POLD1: variants seen among roughly 807,000 people sequenced by gnomAD.
POLD1 encodes the protein DNA polymerase delta 1, catalytic subunit.
Under a neutral mutation model 129.7 loss-of-function variants are expected in POLD1, and 79 were observed. The ratio of observed to expected loss-of-function variants is 0.61; its 90% CI spans 0.51 to 0.73. The LOEUF (loss-of-function observed/expected upper bound fraction) is 0.73, where lower values mean the gene tolerates loss of function less well. POLD1 is among the 30% of genes least tolerant of loss of function. The probability of loss-of-function intolerance (pLI) is 0.00; values close to 1 mark genes in which losing one functional copy is unlikely to be tolerated. For synonymous variants in POLD1, 714 were observed against 683.3 expected (o/e 1.04, Z -0.70); for missense variants, 1,338 against 1,595.8 (o/e 0.84, Z 2.75).
At position 50,415,793 on chromosome 19, in the gene POLD1, C is replaced by T. The variant is rs1057522848; in HGVS notation, c.2787C>T (p.Ala929=). ...GDRVPYVIIS[A]AKGVAAYMKS... is the part of the protein sequence containing the mutation. ...GCGTCCCCTACGTGATCATCAGTGCCGCCAAGGGTGTGGCCGCCTACATGA... is the reference window on the plus strand; with the variant it reads ...GCGTCCCCTACGTGATCATCAGTGCTGCCAAGGGTGTGGCCGCCTACATGA... Residue 929 remains alanine, a synonymous_variant, in exon 22 of 27, where the codon GCC becomes GCT. Transcript: ENST00000440232. 28 of 1,562,654 alleles carry T rather than the reference C, an allele frequency of 1.8e-5. No homozygotes were observed. Among genetic ancestry groups the T allele is most frequent in the South Asian group, 9.5e-5 (8 of 84,600 alleles).
At chr19:50,407,467 G>T (rs896964215) in intron 14 of POLD1, 52 bp downstream of exon 14, 1 of 1,260,466 alleles carries the variant, frequency 7.9e-7, no homozygotes, top group Admixed American at 2.3e-5. Context: ...GGGAGGCTGA[G>T]GTGGGAGGAT....
Position 50,401,807 on chromosome 19 carries a change from C to T in POLD1, c.346C>T (p.Pro116Ser), listed in dbSNP as rs2038643822. Reference sequence around the variant, plus strand: ...AGCGCAGCCTGTGCCTGGGGGGCCCCCACCATCCCGCGGCTCCGTGCCTGT... The same window carrying T: ...AGCGCAGCCTGTGCCTGGGGGGCCCTCACCATCCCGCGGCTCCGTGCCTGT... ...GPAQPVPGGPPPSRGSVPVLR... is the reference protein window; with the variant it reads ...GPAQPVPGGPSPSRGSVPVLR... Residue 116 changes from proline (P) to serine (S), a missense_variant, in exon 4 of 27, where the codon CCA (proline) becomes TCA (serine). Pro to Ser is a moderately conservative substitution (Grantham distance 74, BLOSUM62 -1). Around this residue, in one of 3 missense-constraint regions of POLD1, gnomAD observed 332 missense variants for 315.7 expected, o/e 1.05. Transcript: ENST00000440232. 5 of 1,613,300 alleles carry T rather than the reference C, an allele frequency of 3.1e-6. No homozygotes were observed. The highest frequency in any genetic ancestry group is 4.2e-6 in the Non-Finnish European group (5 of 1,179,866).
At chr19:50,388,564 A>AT (rs2038046394) in intron 1 of POLD1, among the ~76,000 whole-genome samples, 1 of 152,176 alleles carries the variant, frequency 6.6e-6, no homozygotes, top group African/African-American at 2.4e-5. Flanking sequence ...CACCTTGTAA[A>AT]TTTGTTACTA....
chr19:50,417,671 T>TCCCCC (rs3840923), intron 26 of POLD1, among the ~76,000 whole-genome samples, 171 bp from the exon 27 acceptor site: 43 of 110,504 alleles, frequency 3.9e-4, no homozygotes, highest in African/African-American at 1.5e-3. Flanking sequence ...TGTTATCGGC[T>TCCCCC]CCCCCCCCCC....
At chr19:50,413,609 C>T in intron 18 of POLD1, 88 bp downstream of exon 18, 2 of 1,528,502 alleles carry the variant, frequency 1.3e-6, no homozygotes, top group Non-Finnish European at 1.8e-6. Flanking sequence ...CCCCGTGCCT[C>T]CTGGTCACAC....
chr19:50,394,808 T>G (rs573894658), intron 1 of POLD1, among the ~76,000 whole-genome samples: 2 of 152,130 alleles, frequency 1.3e-5, no homozygotes, highest in Non-Finnish European at 2.9e-5. Flanking sequence ...TGTCTCAGCC[T>G]GGACCCTGGG....
intron 1 of POLD1, 95 bp from the exon 2 acceptor site, chr19:50,398,756 G>T (rs2038463353): frequency 6.6e-7 from 1 of 1,523,100 alleles, no homozygotes; most frequent in Admixed American, 2.3e-5. Flanking sequence ...AGTAGGAAAA[G>T]GCTCGTGGTC....
intron 19 of POLD1, among the ~76,000 whole-genome samples, chr19:50,414,416 C>T (rs537662873): frequency 1.2e-3 from 185 of 152,366 alleles, no homozygotes; most frequent in African/African-American, 3.9e-3. Context: ...ACTGTTTCCC[C>T]GTGGCTTAAC....
intron 25 of POLD1, 24 bp downstream of exon 25, chr19:50,417,121 G>A (rs1282937587): frequency 2.5e-6 from 4 of 1,568,948 alleles, no homozygotes; most frequent in Non-Finnish European, 3.5e-6. Flanking sequence ...GAGGTGAGGA[G>A]GGGCCAGGTG....
chr19:50,393,120 G>A (rs995736674), intron 1 of POLD1, among the ~76,000 whole-genome samples: 2 of 152,136 alleles, frequency 1.3e-5, no homozygotes, highest in African/African-American at 4.8e-5. Flanking sequence ...CCCTAGATGT[G>A]GAATTGAGCC....
chr19:50,408,939 ATCTGGGC>A (rs1568630539), intron 15 of POLD1, 38 bp downstream of exon 15: 1 of 1,572,786 alleles, frequency 6.4e-7, no homozygotes, highest in Non-Finnish European at 8.7e-7. Flanking sequence ...CCCGAGGCCC[ATCTGGGC>A]CTTCCCTTGG....
At chr19:50,386,435 G>A (rs1278944048) in intron 1 of POLD1, among the ~76,000 whole-genome samples, 1 of 152,204 alleles carries the variant, frequency 6.6e-6, no homozygotes. Flanking sequence ...ACCACACCCG[G>A]CCTAAACTCA....
At chr19:50,413,911 G>C (rs781461482) in intron 19 of POLD1, 32 bp downstream of exon 19, 1 of 1,557,818 alleles carries the variant, frequency 6.4e-7, no homozygotes, top group Admixed American at 1.9e-5. Flanking sequence ...TCTGCATTTA[G>C]GTGCCCTCAT....
rs199871683 is a variant in POLD1 at position 50,417,963 on chromosome 19, A to G, written c.*16A>G. The G allele has an allele frequency of 7.6e-6, 8 of 1,050,924 alleles. No individual in the cohort carries two copies. The highest frequency in any genetic ancestry group is 3.1e-5 in the African/African-American group (2 of 63,766). The allele number at this position is 1,050,924 out of a possible 1,614,324, so 65.1% of individuals were successfully genotyped here. Reference sequence around the variant, plus strand: ...GGCCTGGTGACCTTGCAAGCATCCCATGGGGCGGGGGCGGGACCAGGGAGA... The same window carrying G: ...GGCCTGGTGACCTTGCAAGCATCCCGTGGGGCGGGGGCGGGACCAGGGAGA... On this transcript the variant is annotated 3_prime_UTR_variant, in exon 27 of 27. Coordinates refer to ENST00000440232, the MANE Select transcript of POLD1 (RefSeq NM_002691.4).
rs1568643334 is a variant in POLD1, at chr19:50,417,830, C to CCCTGCT, written c.3219-10_3219-9insTGCTCC. The CCCTGCT allele has an allele frequency of 3.8e-6, 6 of 1,566,038 alleles. No homozygotes were observed. In the South Asian group the frequency reaches 6.9e-5, roughly 18 times the overall value. On this transcript the variant is annotated splice_polypyrimidine_tract_variant and intron_variant, in intron 26 of 26. Coordinates refer to ENST00000440232, the MANE Select transcript of POLD1 (RefSeq NM_002691.4). ...TGGCTGGTCCTGACCCTGCCCCTGC[C>CCCTGCT]CCCACCCGCAGCCGGGACTGCCCCA...
At chr19:50,394,293 C>G (rs1168617981) in intron 1 of POLD1, among the ~76,000 whole-genome samples, 2 of 152,178 alleles carry the variant, frequency 1.3e-5, no homozygotes, top group Non-Finnish European at 1.5e-5. Flanking sequence ...GAAATGTAGC[C>G]TTTGGCTGGG....
Position 50,415,477 on chromosome 19 carries a change from C to G in POLD1, c.2604C>G (p.Ile868Met), listed in dbSNP as rs1060504365. 3.1e-6 allele frequency: 5 copies of G among 1,613,220 alleles called. No individual in the cohort carries two copies. The highest frequency in any genetic ancestry group is 4.2e-6 in the Non-Finnish European group (5 of 1,179,918). The change falls in exon 21 of 27, where the codon ATC becomes ATG. Residue 868 changes from isoleucine to methionine, a missense_variant. By Grantham distance (10) the Ile-to-Met change is conservative (BLOSUM62 1). Transcript: ENST00000440232. Reference sequence around the variant, plus strand: ...CGGTGGCTCACGCACAGGACGTCATCTCGGACCTGCTGTGCAACCGCATCG... The same window carrying G: ...CGGTGGCTCACGCACAGGACGTCATGTCGGACCTGCTGTGCAACCGCATCG... ...EGAVAHAQDV[I>M]SDLLCNRIDI...
chr19:50,411,258 C>T (rs994344809), intron 17 of POLD1, among the ~76,000 whole-genome samples: 7 of 152,206 alleles, frequency 4.6e-5, no homozygotes, highest in African/African-American at 1.7e-4. Context: ...AAGTGAATCG[C>T]TCACTGCATG....
rs1278597997 is a variant in POLD1 at position 50,403,487 on chromosome 19, C to T, written c.1138-6C>T. ...CCAGGGTGACCCAATGTGCTCCCAC[C>T]CCCAGGCCTGGTCCACCTTCATCCG... On this transcript the variant is annotated splice_region_variant and splice_polypyrimidine_tract_variant and intron_variant, in intron 9 of 26. Coordinates refer to ENST00000440232, the MANE Select transcript of POLD1 (RefSeq NM_002691.4). 1 of 1,608,912 alleles carries T rather than the reference C, an allele frequency of 6.2e-7. No homozygotes were observed. Among genetic ancestry groups the T allele is most frequent in the African/African-American group, 1.3e-5 (1 of 74,802 alleles).
Sources: gnomAD v4.1 joint callset for allele counts (sites outside exome capture counted in the v4.1 genomes callset) on GRCh38, gnomAD v4.1.1 for gene constraint, gnomAD v4.1.1 regional missense constraint, MANE v1.5 for transcripts, NCBI Gene and HGNC (gene_info 2026-07-23, HGNC 2026-07-21) for gene names.